Variants in IL23R observed in about 807,000 individuals in gnomAD.
IL23R encodes the protein interleukin-23 receptor.
IL23R carries 34 observed loss-of-function variants against 56.9 expected under a neutral mutation model. The observed-to-expected ratio is 0.60, with a 90% CI of 0.45 to 0.80. The LOEUF is 0.80. IL23R is among the 30% of genes least tolerant of loss of function. The probability of loss-of-function intolerance (pLI) is 0.00; values close to 1 mark genes in which losing one functional copy is unlikely to be tolerated. For synonymous variants in IL23R, 230 were observed against 249.2 expected, an observed-to-expected ratio of 0.92 and a Z score of 0.73; for missense variants, 635 against 730.0, an observed-to-expected ratio of 0.87 and a Z score of 1.50.
At chr1:67,228,102 CTTTCTCTCTCT>C (rs1558254328) in intron 7 of IL23R, among the ~76,000 whole-genome samples, 1 of 51,076 alleles carries the variant, frequency 2.0e-5, no homozygotes, top group Non-Finnish European at 4.5e-5. Flanking sequence ...TTCTTTCTTT[CTTTCTCTCTCT>C]TTCTTTCTTT....
chr1:67,154,873 C>T (rs1298776307), intron 1 of IL23R, among the ~76,000 whole-genome samples: 6 of 152,136 alleles, frequency 3.9e-5, no homozygotes, highest in Non-Finnish European at 5.9e-5. Flanking sequence ...GATGCAGTTT[C>T]TTTATAGTGT....
At chr1:67,206,538 C>G (rs1276263813) in intron 5 of IL23R, among the ~76,000 whole-genome samples, 1 of 152,102 alleles carries the variant, frequency 6.6e-6, no homozygotes, top group Admixed American at 6.5e-5. Flanking sequence ...CATCTCTCCT[C>G]GAACAGATGG....
chr1:67,229,563 G>T (rs74082817), intron 7 of IL23R, among the ~76,000 whole-genome samples: 7,399 of 152,190 alleles, frequency 0.049, 614 homozygotes, highest in African/African-American at 0.17. Context: ...TGGGAGGTTG[G>T]GGATGGGTTG....
At chr1:67,216,382 GA>G (rs1649834652) in intron 6 of IL23R, among the ~76,000 whole-genome samples, 1 of 152,188 alleles carries the variant, frequency 6.6e-6, no homozygotes, top group Non-Finnish European at 1.5e-5. Flanking sequence ...TTTAGTGACA[GA>G]GGCAGGGAAA....
intron 6 of IL23R, among the ~76,000 whole-genome samples, chr1:67,212,020 A>G (rs1315843058): frequency 1.3e-5 from 2 of 152,200 alleles, no homozygotes; most frequent in Non-Finnish European, 2.9e-5. Context: ...GTCAGTAACT[A>G]AGTGCCTCTC....
chr1:67,228,095 T>C (rs1558254287), intron 7 of IL23R, among the ~76,000 whole-genome samples: 8 of 77,288 alleles, frequency 1.0e-4, no homozygotes, highest in Admixed American at 3.4e-4. Flanking sequence ...TCTTTCTTTC[T>C]TTCTTTCTTT....
At chr1:67,213,763 G>T (rs1241024191) in intron 6 of IL23R, among the ~76,000 whole-genome samples, 1 of 152,120 alleles carries the variant, frequency 6.6e-6, no homozygotes, top group Non-Finnish European at 1.5e-5. Flanking sequence ...TGATGAAATC[G>T]CTTAATGATG....
At chr1:67,156,750 A>G (rs1646772940) in intron 1 of IL23R, among the ~76,000 whole-genome samples, 1 of 152,198 alleles carries the variant, frequency 6.6e-6, no homozygotes. Flanking sequence ...GCTGGGCTCC[A>G]TGGAAGTGGG....
At position 67,258,590 on chromosome 1, in the gene IL23R, A is replaced by G. The variant is rs1219574555; in HGVS notation, c.1352A>G (p.Lys451Arg). The G allele has an allele frequency of 1.2e-6, 2 of 1,613,552 alleles. No individual in the cohort carries two copies. Among genetic ancestry groups the G allele is most frequent in the Non-Finnish European group, 1.7e-6 (2 of 1,179,866 alleles). Residue 451 changes from lysine (K) to arginine (R), a missense_variant, in exon 11 of 11, where the codon AAG (lysine) becomes AGG (arginine). By Grantham distance (26) the Lys-to-Arg change is conservative (BLOSUM62 2). Coordinates refer to ENST00000347310, the MANE Select transcript of IL23R (RefSeq NM_144701.3). ...FIPEHKPTDY[K>R]KENTGPLETR... ...CCAGAACACAAGCCTACAGACTACA[A>G]GAAGGAGAATACAGGACCCCTGGAG...
At chr1:67,197,826 C>T (rs745980469) in intron 4 of IL23R, among the ~76,000 whole-genome samples, 49 of 151,988 alleles carry the variant, frequency 3.2e-4, no homozygotes, top group Non-Finnish European at 6.2e-4. Flanking sequence ...GTCCCAGCTA[C>T]TCAGGAGGCT....
upstream of IL23R, among the ~76,000 whole-genome samples, chr1:67,163,630 C>A (rs201580639): frequency 6.6e-6 from 1 of 151,980 alleles, no homozygotes. Context: ...ATGATGAGAG[C>A]GAGTTCTCGT....
chr1:67,210,448 C>A (rs534539098), intron 6 of IL23R, among the ~76,000 whole-genome samples: 87 of 150,958 alleles, frequency 5.8e-4, no homozygotes, highest in Non-Finnish European at 1.1e-3. Flanking sequence ...CTTTTTTTTT[C>A]CCTTCCGATA....
rs1309165373 is a variant in IL23R at position 67,258,857 on chromosome 1, T to C, written c.1619T>C (p.Leu540Pro). 2 of 1,613,970 alleles carry C rather than the reference T, an allele frequency of 1.2e-6. No homozygotes were observed. The highest frequency in any genetic ancestry group is 2.2e-5 in the East Asian group (1 of 44,874). ...FAFSVSSVNS[L>P]SNTIFLGELS... ...TTTTCTGTTTCAAGTGTGAATTCAC[T>C]AAGCAACACAATATTTCTTGGAGAA... is the stretch of plus-strand genomic sequence containing the variant. The change falls in exon 11 of 11, where the codon CTA (leucine) becomes CCA (proline). Residue 540 changes from leucine to proline, a missense_variant. Physicochemically the swap from Leu to Pro is moderately conservative, Grantham distance 98. Transcript: ENST00000347310.
chr1:67,194,254 T>C (rs1647971541), intron 4 of IL23R, among the ~76,000 whole-genome samples: 1 of 151,566 alleles, frequency 6.6e-6, no homozygotes, highest in African/African-American at 2.4e-5. Flanking sequence ...TCAGCCCTTC[T>C]CTCTTCCCAG....
At chr1:67,203,276 A>T (rs757179651) in intron 5 of IL23R, among the ~76,000 whole-genome samples, 6 of 152,328 alleles carry the variant, frequency 3.9e-5, no homozygotes, top group Non-Finnish European at 7.3e-5. Flanking sequence ...AGAAAGTGAT[A>T]AAATGATTTG....
chr1:67,203,987 T>C (rs1648818324), intron 5 of IL23R, among the ~76,000 whole-genome samples: 1 of 152,268 alleles, frequency 6.6e-6, no homozygotes, highest in South Asian at 2.1e-4. Flanking sequence ...GTTGGAAAGA[T>C]GCTAAAAGGC....
intron 9 of IL23R, among the ~76,000 whole-genome samples, chr1:67,252,723 C>G (rs917147199): frequency 6.8e-6 from 1 of 147,622 alleles, no homozygotes; most frequent in African/African-American, 2.5e-5. Flanking sequence ...GAGCAATGAA[C>G]AATTTGGGAA....
At chr1:67,261,677 A>G (rs1241855223), downstream of IL23R, among the ~76,000 whole-genome samples, 1 of 152,198 alleles carries the variant, frequency 6.6e-6, no homozygotes, top group African/African-American at 2.4e-5. Context: ...GATTGAAATA[A>G]CAAAAGACTA....
intron 5 of IL23R, among the ~76,000 whole-genome samples, chr1:67,201,573 A>T (rs565591438): frequency 6.6e-6 from 1 of 151,804 alleles, no homozygotes; most frequent in African/African-American, 2.4e-5. Context: ...AAACAAAAAA[A>T]CACTATGATC....
Sources: gnomAD v4.1 joint callset for allele counts (sites outside exome capture counted in the v4.1 genomes callset) on GRCh38, gnomAD v4.1.1 for gene constraint, MANE v1.5 for transcripts, NCBI Gene and HGNC (gene_info 2026-07-23, HGNC 2026-07-21) for gene names.